STAB2: variants seen among roughly 807,000 people sequenced by gnomAD.
The protein encoded by STAB2 is stabilin 2.
A neutral mutation model predicts 338.1 loss-of-function variants in STAB2; 288 were observed. The ratio of observed to expected loss-of-function variants is 0.85; its 90% confidence interval spans 0.77 to 0.94. The LOEUF (loss-of-function observed/expected upper bound fraction) is 0.94, where lower values mean the gene tolerates loss of function less well. Ranked by LOEUF, STAB2 falls within the 40% of genes least tolerant of loss-of-function variation. The pLI is 0.00. For missense variants in STAB2, 3,141 were observed against 3,210.1 expected (o/e 0.98, Z 0.52); for synonymous variants, 1,202 against 1,193.3 (o/e 1.01, Z -0.15).
rs869105400 is a variant in STAB2, at chr12:103,756,996, A to AATATATATATATATATATATATAT, written c.6988-1162_6988-1139dup. On this transcript the variant is annotated intron_variant, in intron 63 of 68. Coordinates refer to ENST00000388887, the MANE Select transcript of STAB2 (RefSeq NM_017564.10). ...GCCTCAGTAGCCCAGAAGGAGGGAAAATATATATATATATATATATATATA... is the reference window on the plus strand; with the variant it reads ...GCCTCAGTAGCCCAGAAGGAGGGAAAATATATATATATATATATATATATATATATATATATATATATATATATA... Among the ~76,000 whole-genome samples the AATATATATATATATATATATATAT allele has an allele frequency of 1.6e-4, 9 of 56,336 alleles. No homozygotes were observed. The South Asian group carries it at 3.2e-3, about 20-fold the overall frequency. 37.0% of individuals were successfully genotyped at this position (56,336 alleles called of 152,430 possible).
In STAB2 at chr12:103,730,346, T is replaced by C. The variant is rs925371976; in HGVS notation, c.5223+90T>C. On this transcript the variant is annotated intron_variant, in intron 49 of 68. Coordinates refer to ENST00000388887, the MANE Select transcript of STAB2 (RefSeq NM_017564.10). ...ATTCGAAGTCATCATTTTGAAACATTTTCTTTTTCTGCTTCAATCTCAAGC... is the reference window on the plus strand; with the variant it reads ...ATTCGAAGTCATCATTTTGAAACATCTTCTTTTTCTGCTTCAATCTCAAGC... 6 of 1,422,374 alleles carry C rather than the reference T, an allele frequency of 4.2e-6. No homozygotes were observed. In the African/African-American group the frequency reaches 7.3e-5, roughly 17 times the overall value. 88.1% of individuals were successfully genotyped at this position (1,422,374 alleles called of 1,614,324 possible).
intron 43 of STAB2, among the ~76,000 whole-genome samples, chr12:103,716,111 C>T (rs533394437): frequency 5.9e-5 from 9 of 152,170 alleles, no homozygotes; most frequent in Admixed American, 2.0e-4. Flanking sequence ...CCCTAGAGTG[C>T]GGAGAAGTAG....
intron 59 of STAB2, among the ~76,000 whole-genome samples, chr12:103,750,168 C>T (rs1034298067): frequency 4.6e-5 from 7 of 152,204 alleles, no homozygotes; most frequent in Admixed American, 1.3e-4. Context: ...CCCAGGGTTA[C>T]AACAAAAAGA....
intron 44 of STAB2, among the ~76,000 whole-genome samples, chr12:103,720,809 A>C (rs1474324175): frequency 6.6e-6 from 1 of 152,240 alleles, no homozygotes; most frequent in African/African-American, 2.4e-5. Flanking sequence ...GAGGCTGGGC[A>C]GTCCAAGATC....
At chr12:103,705,794 C>T (rs1279744415) in intron 37 of STAB2, 67 bp downstream of exon 37, 1 of 1,477,926 alleles carries the variant, frequency 6.8e-7, no homozygotes, top group Non-Finnish European at 9.5e-7. Context: ...ATATGGTATC[C>T]TTTTCAAAAT....
intron 26 of STAB2, among the ~76,000 whole-genome samples, chr12:103,683,876 A>G (rs1360086343): frequency 6.6e-6 from 1 of 152,196 alleles, no homozygotes; most frequent in East Asian, 1.9e-4. Context: ...ATAGGAATCA[A>G]TGAAGTCTGA....
At chr12:103,677,649 AT>A in intron 25 of STAB2, 38 bp downstream of exon 25, 4 of 1,587,960 alleles carry the variant, frequency 2.5e-6, no homozygotes, top group Non-Finnish European at 3.4e-6. Flanking sequence ...GAAAGCAGGA[AT>A]CCTGCAGTGA....
rs199693930 is a variant in STAB2, at chr12:103,742,501, A to G, written c.5978A>G (p.Asn1993Ser). 4.3e-6 allele frequency: 7 copies of G among 1,614,094 alleles called. No homozygotes were observed. Among genetic ancestry groups the G allele is most frequent in the Non-Finnish European group, 5.9e-6 (7 of 1,180,020 alleles). The change falls in exon 56 of 69, where the codon AAT (asparagine) becomes AGT (serine). Residue 1993 changes from asparagine to serine, a missense_variant. Transcript: ENST00000388887. ...TGECKCNTGF[N>S]GTACEMCWPG... ...GAGTGTAAATGCAACACCGGCTTCA[A>G]TGGGACGGCGTGTGAGATGTGCTGG...
intron 4 of STAB2, among the ~76,000 whole-genome samples, chr12:103,621,838 T>C (rs958664524): frequency 1.3e-5 from 2 of 152,260 alleles, no homozygotes; most frequent in Non-Finnish European, 2.9e-5. Context: ...AGCTTTCTCC[T>C]GCAGAGCTTC....
chr12:103,588,048 G>C (rs1462036595), intron 1 of STAB2, among the ~76,000 whole-genome samples: 1 of 152,104 alleles, frequency 6.6e-6, no homozygotes, highest in African/African-American at 2.4e-5. Flanking sequence ...AAGTTCCCAG[G>C]GAGGTCTTAC....
In STAB2 at chr12:103,692,899, T is replaced by A. The variant is rs762743033; in HGVS notation, c.3375+10T>A. On this transcript the variant is annotated intron_variant, in intron 31 of 68. Coordinates refer to ENST00000388887, the MANE Select transcript of STAB2 (RefSeq NM_017564.10). ...ACACATCATCAACAAGGTACAAGAT[T>A]CCATTCTCCTGTGCGTGCAGCATCT... The A allele has an allele frequency of 2.0e-5, 32 of 1,609,208 alleles. 1 individual carries two copies. In the Middle Eastern group the frequency reaches 4.9e-4, roughly 25 times the overall value.
At chr12:103,685,520 T>C (rs894888344) in intron 27 of STAB2, among the ~76,000 whole-genome samples, 2 of 152,084 alleles carry the variant, frequency 1.3e-5, no homozygotes, top group Admixed American at 6.6e-5. Context: ...ATGCCAGGCG[T>C]CTTGCTCAGT....
rs143062038 is a variant in STAB2, at chr12:103,653,391, GA to G, written c.1407+687del. ...TAAGGCTCACAATAACCCTGTAAAG[GA>G]GGGACTTCATAATCCCTGTTGCTCC... On this transcript the variant is annotated intron_variant, in intron 12 of 68. Transcript: ENST00000388887. Among the ~76,000 whole-genome samples, 849 of 152,268 alleles carry G rather than the reference GA, an allele frequency of 5.6e-3. 6 individuals carry two copies. Among genetic ancestry groups the G allele is most frequent in the African/African-American group, 0.019 (809 of 41,546 alleles).
At chr12:103,689,257 T>G (rs1013194356) in intron 28 of STAB2, among the ~76,000 whole-genome samples, 1 of 151,872 alleles carries the variant, frequency 6.6e-6, no homozygotes, top group Non-Finnish European at 1.5e-5. Flanking sequence ...CTGAGGTGGG[T>G]GGATCAGGTG....
chr12:103,604,915 C>A (rs1200866920), intron 3 of STAB2, among the ~76,000 whole-genome samples: 1 of 149,810 alleles, frequency 6.7e-6, no homozygotes, highest in African/African-American at 2.5e-5. Flanking sequence ...ACTTCTTTAC[C>A]TTAAGTTGTA....
intron 27 of STAB2, among the ~76,000 whole-genome samples, chr12:103,685,974 A>G (rs976786778): frequency 1.3e-5 from 2 of 151,974 alleles, no homozygotes; most frequent in African/African-American, 2.4e-5. Context: ...CATGAGATCC[A>G]TGTTTTTAGC....
chr12:103,685,046 G>T lies in STAB2; in HGVS notation c.2959G>T (p.Glu987Ter). Residue 987 changes from glutamate (E) to a stop codon, truncating the protein, a stop_gained, in exon 27 of 69, where the codon GAA (glutamate) becomes TAA (stop). Transcript: ENST00000388887. LOFTEE classifies it high-confidence loss of function. ...VWSCVCQEGY[E>*]GDGFLCYGNA... is the part of the protein sequence containing the mutation. Reference sequence around the variant, plus strand: ...GAGCTGTGTTTGTCAAGAGGGCTATGAAGGAGATGGCTTTCTGTGCTATGG... The same window carrying T: ...GAGCTGTGTTTGTCAAGAGGGCTATTAAGGAGATGGCTTTCTGTGCTATGG... 6.2e-7 allele frequency: 1 copy of T among 1,614,056 alleles called. No homozygotes were observed. Among genetic ancestry groups the T allele is most frequent in the Non-Finnish European group, 8.5e-7 (1 of 1,179,932 alleles).
chr12:103,612,275 A>G (rs924168004), intron 3 of STAB2, among the ~76,000 whole-genome samples: 4 of 152,314 alleles, frequency 2.6e-5, no homozygotes, highest in African/African-American at 9.6e-5. Flanking sequence ...TATCCTGCAG[A>G]GTGTTTTCCA....
chr12:103,681,943 G>A (rs541988206), intron 25 of STAB2, among the ~76,000 whole-genome samples: 54 of 152,158 alleles, frequency 3.5e-4, no homozygotes, highest in South Asian at 1.0e-3. Context: ...CCCTACTCCA[G>A]TATGACCTCA....
Sources: allele counts gnomAD v4.1 joint callset (sites outside exome capture counted in the v4.1 genomes callset), GRCh38; gene constraint gnomAD v4.1.1; transcripts MANE v1.5; gene names NCBI Gene and HGNC (gene_info 2026-07-23, HGNC 2026-07-21).